Variants in CFAP299 observed in about 807,000 individuals in gnomAD.
The protein encoded by CFAP299 is cilia and flagella associated protein 299, also known as cilia- and flagella-associated protein 299.
CFAP299 carries 21 observed loss-of-function variants against 27.0 expected under a neutral mutation model. The ratio of observed to expected loss-of-function variants is 0.78; its 90% CI spans 0.55 to 1.12. The LOEUF is 1.12. CFAP299 is among the 50% of genes most tolerant of loss of function. The pLI, the probability that CFAP299 is intolerant of heterozygous loss-of-function variation, is 0.00. For synonymous variants in CFAP299, 104 were observed against 98.1 expected (o/e 1.06, Z -0.36); for missense variants, 310 against 276.6 (o/e 1.12, Z -0.86).
intron 3 of CFAP299, among the ~76,000 whole-genome samples, chr4:80,675,501 C>A (rs1578005323): frequency 6.6e-6 from 1 of 152,340 alleles, no homozygotes; most frequent in East Asian, 1.9e-4. Context: ...ATCAGTGACC[C>A]ACTTGAGGAG....
chr4:80,494,637 C>A (rs1194707345), intron 2 of CFAP299, among the ~76,000 whole-genome samples: 1 of 152,168 alleles, frequency 6.6e-6, no homozygotes, highest in Admixed American at 6.5e-5. Flanking sequence ...ACTATGATTT[C>A]TTTTCCCTCT....
At chr4:80,679,123 T>A (rs2110002712) in intron 3 of CFAP299, among the ~76,000 whole-genome samples, 1 of 152,204 alleles carries the variant, frequency 6.6e-6, no homozygotes. Flanking sequence ...TCTCTATAAT[T>A]TTGTCATTTT....
intron 3 of CFAP299, among the ~76,000 whole-genome samples, chr4:80,610,800 G>T (rs1737926774): frequency 6.6e-6 from 1 of 151,846 alleles, no homozygotes; most frequent in Non-Finnish European, 1.5e-5. Context: ...CTCAAATCTT[G>T]TTATCAGCCC....
chr4:80,900,995 A>G (rs1330436409), intron 4 of CFAP299, among the ~76,000 whole-genome samples: 1 of 152,136 alleles, frequency 6.6e-6, no homozygotes, highest in Admixed American at 6.6e-5. Flanking sequence ...CCATTTAGTC[A>G]TGAAGTCAAT....
At chr4:80,639,534 C>A (rs1739619413) in intron 3 of CFAP299, among the ~76,000 whole-genome samples, 1 of 152,094 alleles carries the variant, frequency 6.6e-6, no homozygotes, top group Non-Finnish European at 1.5e-5. Flanking sequence ...AATCATTAAA[C>A]CACATTTGAG....
intron 3 of CFAP299, among the ~76,000 whole-genome samples, chr4:80,804,743 A>G (rs1288833084): frequency 6.6e-6 from 1 of 152,084 alleles, no homozygotes; most frequent in Non-Finnish European, 1.5e-5. Flanking sequence ...CCATCTTATC[A>G]CTTTTAATCT....
At chr4:80,687,840 G>T (rs868577597) in intron 3 of CFAP299, among the ~76,000 whole-genome samples, 4 of 152,212 alleles carry the variant, frequency 2.6e-5, no homozygotes, top group Non-Finnish European at 5.9e-5. Flanking sequence ...CGCACCGTGC[G>T]CAAGCCGAAG....
intron 3 of CFAP299, among the ~76,000 whole-genome samples, chr4:80,785,281 T>C (rs1445662971): frequency 6.6e-6 from 1 of 152,164 alleles, no homozygotes; most frequent in Non-Finnish European, 1.5e-5. Context: ...TAGCATCGTA[T>C]ATTGAAGAGA....
intron 2 of CFAP299, among the ~76,000 whole-genome samples, chr4:80,504,438 A>G (rs1731893912): frequency 8.0e-6 from 1 of 124,994 alleles, no homozygotes; most frequent in African/African-American, 3.0e-5. Context: ...TTTAATTTTT[A>G]CTGAAATTTT....
intron 3 of CFAP299, among the ~76,000 whole-genome samples, chr4:80,868,891 G>A (rs566038820): frequency 9.0e-5 from 13 of 143,806 alleles, no homozygotes; most frequent in African/African-American, 3.6e-4. Flanking sequence ...TTCCATGGGT[G>A]GGGGCTTCTC....
chr4:80,678,520 A>G (rs1345854585), intron 3 of CFAP299, among the ~76,000 whole-genome samples: 1 of 151,986 alleles, frequency 6.6e-6, no homozygotes, highest in African/African-American at 2.4e-5. Flanking sequence ...TATTAACTCT[A>G]TTTTGTCTTT....
chr4:80,603,555 G>A (rs1433042618), intron 3 of CFAP299, among the ~76,000 whole-genome samples: 1 of 152,110 alleles, frequency 6.6e-6, no homozygotes, highest in African/African-American at 2.4e-5. Context: ...GTGACAATAG[G>A]TAGAATAATA....
chr4:80,800,619 A>G (rs1280160982), intron 3 of CFAP299, among the ~76,000 whole-genome samples: 11 of 98,230 alleles, frequency 1.1e-4, no homozygotes, highest in East Asian at 1.0e-3. Flanking sequence ...TATAATATAT[A>G]ATATATTAAT....
intron 3 of CFAP299, chr4:80,608,364 T>C (rs2867782): frequency 0.93 from 1,426,151 of 1,530,024 alleles, 665,096 homozygotes; most frequent in East Asian, 1. Flanking sequence ...GCTGCTCATA[T>C]CTTGAAGAAG....
intron 3 of CFAP299, among the ~76,000 whole-genome samples, chr4:80,691,956 A>G (rs1460603339): frequency 1.3e-5 from 2 of 152,114 alleles, no homozygotes; most frequent in Non-Finnish European, 2.9e-5. Context: ...TGCTTCAAAG[A>G]GAATAAAATA....
At chr4:80,628,235 G>T (rs1034823823) in intron 3 of CFAP299, among the ~76,000 whole-genome samples, 7 of 152,016 alleles carry the variant, frequency 4.6e-5, no homozygotes, top group African/African-American at 1.7e-4. Context: ...AATAGGAAAA[G>T]GACAGCCCTT....
At chr4:80,683,098 C>T (rs1163444486) in intron 3 of CFAP299, among the ~76,000 whole-genome samples, 2 of 152,138 alleles carry the variant, frequency 1.3e-5, no homozygotes, top group African/African-American at 2.4e-5. Flanking sequence ...TCTATAACAC[C>T]TCTATCTCCA....
chr4:80,825,074 C>T (rs1729912356), intron 3 of CFAP299, among the ~76,000 whole-genome samples: 1 of 151,124 alleles, frequency 6.6e-6, no homozygotes, highest in Non-Finnish European at 1.5e-5. Context: ...AGATATAAAC[C>T]TAAAAAGAAA....
In CFAP299 at chr4:80,697,514, C is replaced by T. The variant is rs552788485; in HGVS notation, c.333+114331C>T. On this transcript the variant is annotated intron_variant, in intron 3 of 5. Coordinates refer to ENST00000358105, the MANE Select transcript of CFAP299 (RefSeq NM_152770.3). ...AACAAACTAAACAAAGCAACAATAGCAAAAGACAGAATTAAGTGAGAATCA... is the reference window on the plus strand; with the variant it reads ...AACAAACTAAACAAAGCAACAATAGTAAAAGACAGAATTAAGTGAGAATCA... 3.9e-5 allele frequency among the ~76,000 whole-genome samples: 6 copies of T among 152,228 alleles called. No homozygotes were observed. The South Asian group carries it at 1.2e-3, about 32-fold the overall frequency.
Sources: allele counts gnomAD v4.1 joint callset (sites outside exome capture counted in the v4.1 genomes callset), GRCh38; gene constraint gnomAD v4.1.1; transcripts MANE v1.5; gene names NCBI Gene and HGNC (gene_info 2026-07-23, HGNC 2026-07-21).